NALCN: variants seen among roughly 807,000 people sequenced by gnomAD.
NALCN encodes sodium leak channel, non-selective.
In NALCN, 111 loss-of-function variants were observed where a neutral mutation model predicts 225.3. That is an observed-to-expected ratio of 0.49 (90% CI 0.42 to 0.58). NALCN has a LOEUF of 0.58. Ranked by LOEUF, NALCN falls within the 20% of genes least tolerant of loss-of-function variation. The pLI is 0.00. For missense variants in NALCN, 1,378 were observed against 2,202.4 expected, an observed-to-expected ratio of 0.63 and a Z score of 7.49; for synonymous variants, 764 against 769.0, an observed-to-expected ratio of 0.99 and a Z score of 0.11.
intron 13 of NALCN, among the ~76,000 whole-genome samples, chr13:101,198,520 G>A (rs934944978): frequency 2.0e-5 from 3 of 152,288 alleles, no homozygotes; most frequent in Non-Finnish European, 2.9e-5. Context: ...CATTTATGCA[G>A]CCAACAGACA....
At chr13:101,276,333 G>A (rs2042973492) in intron 10 of NALCN, among the ~76,000 whole-genome samples, 1 of 151,988 alleles carries the variant, frequency 6.6e-6, no homozygotes, top group Non-Finnish European at 1.5e-5. Context: ...ATTAATAACT[G>A]GATAAACATG....
chr13:101,075,800 T>C (rs1176362870), intron 35 of NALCN, 73 bp downstream of exon 35: 3 of 1,299,916 alleles, frequency 2.3e-6, no homozygotes, highest in Non-Finnish European at 3.2e-6. Context: ...GGTAAGGCTG[T>C]AATCAATTAA....
chr13:101,159,924 T>C (rs555853850), intron 15 of NALCN, among the ~76,000 whole-genome samples: 1 of 150,624 alleles, frequency 6.6e-6, no homozygotes, highest in African/African-American at 2.4e-5. Context: ...AGAGAGAAGG[T>C]TTTTTTTGTT....
intron 13 of NALCN, among the ~76,000 whole-genome samples, chr13:101,209,964 T>A (rs2140071593): frequency 6.6e-6 from 1 of 152,252 alleles, no homozygotes; most frequent in East Asian, 1.9e-4. Flanking sequence ...GCCTGTTGCC[T>A]TTTTCTCCGG....
In NALCN at chr13:101,376,911, G is replaced by A. The variant is rs748588294; in HGVS notation, c.515+6C>T. 16 of 1,614,060 alleles carry A rather than the reference G, an allele frequency of 9.9e-6. No homozygotes were observed. Among genetic ancestry groups the A allele is most frequent in the South Asian group, 3.3e-5 (3 of 91,072 alleles). On this transcript the variant is annotated splice_donor_region_variant and intron_variant, in intron 5 of 43. Coordinates refer to ENST00000251127, the MANE Select transcript of NALCN (RefSeq NM_052867.4). ...TCCTCTTAACTTATTGTAAAGCAGC[G>A]CTCACTTTAAAATATTTGTAATTCT...
chr13:101,105,347 T>A (rs1318396614), intron 22 of NALCN, among the ~76,000 whole-genome samples: 1 of 152,194 alleles, frequency 6.6e-6, no homozygotes, highest in Non-Finnish European at 1.5e-5. Flanking sequence ...ACTCCATAAT[T>A]TAAATAGACT....
Position 101,062,254 on chromosome 13 carries a change from T to C in NALCN, c.4605-136A>G, listed in dbSNP as rs958375713. 380 of 934,544 alleles carry C rather than the reference T, an allele frequency of 4.1e-4. 1 individual carries two copies. The highest frequency in any genetic ancestry group is 4.5e-4 in the Non-Finnish European group (284 of 631,116). 57.9% of individuals were successfully genotyped at this position (934,544 alleles called of 1,614,324 possible). A position where few individuals can be genotyped will look rare whatever the true frequency, so the allele number is the denominator to read the frequency against. On this transcript the variant is annotated intron_variant, in intron 40 of 43. Transcript: ENST00000251127. ...TTGACGCCACCCCTCGCCACCCGCA[T>C]GTCTTGGGCTGGTCCTGTCACCTCT... is the stretch of plus-strand genomic sequence containing the variant.
At chr13:101,173,741 C>T (rs1555305066) in intron 15 of NALCN, among the ~76,000 whole-genome samples, 1 of 152,126 alleles carries the variant, frequency 6.6e-6, no homozygotes, top group Non-Finnish European at 1.5e-5. Flanking sequence ...ACATTTCCTC[C>T]ACTCTACTCT....
At position 101,110,630 on chromosome 13, in the gene NALCN, A is replaced by C. The variant is rs537504009; in HGVS notation, c.2353T>G (p.Leu785Val). The C allele has an allele frequency of 6.2e-7, 1 of 1,613,898 alleles. No individual in the cohort carries two copies. The highest frequency in any genetic ancestry group is 1.7e-5 in the Admixed American group (1 of 60,008). The change falls in exon 20 of 44, where the codon TTG becomes GTG. Residue 785 changes from leucine (L) to valine (V), a missense_variant. Around this residue, in one of 19 missense-constraint regions of NALCN, gnomAD observed 66 missense variants for 85.7 expected, o/e 0.77. Coordinates refer to ENST00000251127, the MANE Select transcript of NALCN (RefSeq NM_052867.4). ...TGCTTAAAACTTACATCTTGAGTCA[A>C]AGTTTCAAGAGATTTTCCCCTGCTG... ...RISRGKSLET[L>V]TQDHSNTVRY...
In NALCN at chr13:101,104,746, T is replaced by C. The variant is rs2035009271; in HGVS notation, c.2637-96A>G. The C allele has an allele frequency of 1.3e-6, 2 of 1,569,504 alleles. No homozygotes were observed. Among genetic ancestry groups the C allele is most frequent in the Non-Finnish European group, 1.7e-6 (2 of 1,150,022 alleles). ...GCTTCTGTGGCTCTATCAACATGAC[T>C]GGTATTTTAAAAACATCATTCCCCA... On this transcript the variant is annotated intron_variant, in intron 23 of 43. Transcript: ENST00000251127. The surrounding 1 kb of genome is among the most constrained non-coding windows in gnomAD (Gnocchi z 4.2).
At chr13:101,276,159 G>C (rs1414797219) in intron 10 of NALCN, among the ~76,000 whole-genome samples, 1 of 148,612 alleles carries the variant, frequency 6.7e-6, no homozygotes, top group South Asian at 2.2e-4. Flanking sequence ...GAAAGAGCCA[G>C]AAAGACATTG....
intron 11 of NALCN, among the ~76,000 whole-genome samples, chr13:101,239,670 G>T (rs2041687682): frequency 6.6e-6 from 1 of 151,996 alleles, no homozygotes; most frequent in African/African-American, 2.4e-5. Context: ...TAAGCACATT[G>T]CTACTTCAAT....
intron 15 of NALCN, among the ~76,000 whole-genome samples, chr13:101,161,981 C>A (rs2038208465): frequency 6.6e-6 from 1 of 152,190 alleles, no homozygotes; most frequent in African/African-American, 2.4e-5. Context: ...TACCACTCCA[C>A]CCTGGTCTTC....
At chr13:101,380,329 T>C (rs2046814101) in intron 3 of NALCN, among the ~76,000 whole-genome samples, 1 of 152,168 alleles carries the variant, frequency 6.6e-6, no homozygotes, top group Non-Finnish European at 1.5e-5. Flanking sequence ...AAAAGAAAGA[T>C]AAAGATGTAC....
intron 26 of NALCN, 38 bp downstream of exon 26, chr13:101,103,134 C>T (rs116607930): frequency 5.6e-6 from 9 of 1,598,272 alleles, no homozygotes; most frequent in South Asian, 3.4e-5. Flanking sequence ...TAGAGGTGGA[C>T]TACTGTGAAC....
At chr13:101,171,834 T>C (rs1460925383) in intron 15 of NALCN, among the ~76,000 whole-genome samples, 1 of 152,190 alleles carries the variant, frequency 6.6e-6, no homozygotes, top group Non-Finnish European at 1.5e-5. Context: ...ACTTCTTTCC[T>C]GCCAAAATGC....
At chr13:101,384,869 G>T (rs374187357) in intron 3 of NALCN, among the ~76,000 whole-genome samples, 2 of 152,186 alleles carry the variant, frequency 1.3e-5, no homozygotes, top group Non-Finnish European at 2.9e-5. Flanking sequence ...TATTATAAAA[G>T]ATGGAAAACA....
At chr13:101,261,473 C>T (rs976106137) in intron 10 of NALCN, among the ~76,000 whole-genome samples, 1 of 152,126 alleles carries the variant, frequency 6.6e-6, no homozygotes, top group Admixed American at 6.6e-5. Flanking sequence ...TTGATTCTTC[C>T]AATCCATGAA....
intron 14 of NALCN, chr13:101,180,498 C>A (rs1250362213): frequency 2.0e-4 from 31 of 154,864 alleles, no homozygotes; most frequent in Admixed American, 1.9e-3. Context: ...AGTCACCACG[C>A]CTGGCCTCCG....
Sources: allele counts gnomAD v4.1 joint callset (sites outside exome capture counted in the v4.1 genomes callset), GRCh38; gene constraint gnomAD v4.1.1; regional missense constraint gnomAD v4.1.1; non-coding constraint Gnocchi (gnomAD v3.1); transcripts MANE v1.5; gene names NCBI Gene and HGNC (gene_info 2026-07-23, HGNC 2026-07-21).